Variants in PALM2AKAP2 observed in about 807,000 individuals in gnomAD.
PALM2AKAP2 encodes PALM2-AKAP2 fusion protein.
A neutral mutation model predicts 71.5 loss-of-function variants in PALM2AKAP2; 37 were observed. The observed-to-expected ratio is 0.52, with a 90% confidence interval of 0.40 to 0.68. The LOEUF (loss-of-function observed/expected upper bound fraction) is 0.68. PALM2AKAP2 is among the 30% of genes least tolerant of loss of function. PALM2AKAP2 has a pLI of 0.00. For synonymous variants in PALM2AKAP2, 468 were observed against 478.8 expected, an observed-to-expected ratio of 0.98 and a Z score of 0.29; for missense variants, 1,224 against 1,191.8, an observed-to-expected ratio of 1.03 and a Z score of -0.40.
At chr9:109,741,271 C>T (rs1828712290) in intron 1 of PALM2AKAP2, among the ~76,000 whole-genome samples, 1 of 152,196 alleles carries the variant, frequency 6.6e-6, no homozygotes, top group African/African-American at 2.4e-5. Flanking sequence ...TTTAGAGATT[C>T]ACCTGTGTTG....
intron 1 of PALM2AKAP2, among the ~76,000 whole-genome samples, chr9:109,849,474 G>C (rs146021519): frequency 6.6e-6 from 1 of 152,184 alleles, no homozygotes; most frequent in African/African-American, 2.4e-5. Context: ...AGGGCTGGGC[G>C]CGGTAGCTCA....
intron 1 of PALM2AKAP2, among the ~76,000 whole-genome samples, chr9:110,125,101 A>T (rs1835567658): frequency 6.6e-6 from 1 of 152,190 alleles, no homozygotes; most frequent in Non-Finnish European, 1.5e-5. Context: ...ACACACGCAC[A>T]AGCACACACC....
At chr9:110,111,295 G>A (rs74383419) in intron 1 of PALM2AKAP2, among the ~76,000 whole-genome samples, 1,561 of 151,902 alleles carry the variant, frequency 0.01, 26 homozygotes, top group African/African-American at 0.036. Flanking sequence ...GTCTCATTAC[G>A]TTGCCTAGGC....
At chr9:109,956,099 G>A (rs1820869812) in intron 6 of PALM2AKAP2, among the ~76,000 whole-genome samples, 1 of 151,274 alleles carries the variant, frequency 6.6e-6, no homozygotes, top group Non-Finnish European at 1.5e-5. Context: ...CCGCCTCCCA[G>A]GTTCAAGCGA....
chr9:110,062,472 TA>T (rs547361799), intron 1 of PALM2AKAP2, among the ~76,000 whole-genome samples: 18 of 152,332 alleles, frequency 1.2e-4, no homozygotes, highest in African/African-American at 3.1e-4. Flanking sequence ...ATGTACCACA[TA>T]AAAAATAGCA....
chr9:109,744,078 A>G (rs569218132), intron 1 of PALM2AKAP2, among the ~76,000 whole-genome samples: 1 of 152,248 alleles, frequency 6.6e-6, no homozygotes, highest in Non-Finnish European at 1.5e-5. Flanking sequence ...ACAACTCAAG[A>G]GCAGAATTAA....
chr9:109,913,366 A>G (rs1395695463), intron 3 of PALM2AKAP2, among the ~76,000 whole-genome samples: 3 of 152,224 alleles, frequency 2.0e-5, no homozygotes, highest in East Asian at 3.8e-4. Context: ...AGCCAGACGG[A>G]CACAAATAGC....
At chr9:109,853,036 G>C (rs1252273697) in intron 1 of PALM2AKAP2, among the ~76,000 whole-genome samples, 1 of 151,984 alleles carries the variant, frequency 6.6e-6, no homozygotes, top group Non-Finnish European at 1.5e-5. Context: ...GTTTAATTAG[G>C]TCCCAGTTGC....
At chr9:110,137,208 C>T (rs367791261) in exon 2 of PALM2AKAP2, 27 of 1,614,052 alleles carry the variant, frequency 1.7e-5, no homozygotes, top group African/African-American at 9.3e-5. Context: ...ATAGATTTCT[C>T]TGCTGCTCGC....
At chr9:110,100,098 A>G (rs556335769) in intron 1 of PALM2AKAP2, among the ~76,000 whole-genome samples, 199 of 129,642 alleles carry the variant, frequency 1.5e-3, no homozygotes, top group Non-Finnish European at 3.0e-3. Context: ...TAAATATTTT[A>G]TCAAGTTGAG....
chr9:109,800,915 A>G (rs200490868), intron 1 of PALM2AKAP2, among the ~76,000 whole-genome samples: 4 of 152,366 alleles, frequency 2.6e-5, no homozygotes, highest in East Asian at 3.9e-4. Flanking sequence ...GCCTTGATAC[A>G]GGCAACTGGC....
chr9:109,943,232 A>G (rs1468623156), intron 6 of PALM2AKAP2: 1 of 1,614,240 alleles, frequency 6.2e-7, no homozygotes, highest in South Asian at 1.1e-5. Context: ...GAAGATGATG[A>G]GAAGTCATTG....
Position 110,135,164 on chromosome 9 carries a change from A to AAAAAAAAATATATAT in PALM2AKAP2, c.157-962_157-961insAAAAAAATATATATA. 1.7e-3 allele frequency among the ~76,000 whole-genome samples: 88 copies of AAAAAAAAATATATAT among 51,688 alleles called. 7 individuals carry two copies. The highest frequency in any genetic ancestry group is 4.3e-3 in the African/African-American group (59 of 13,606). The allele number at this position is 51,688 out of a possible 152,430, so 33.9% of individuals were successfully genotyped here. Reference sequence around the variant, plus strand: ...AACTCTGTCTCTACAAAAAAAAAAAAATATATAAATATATATATATATATA... The same window carrying AAAAAAAAATATATAT: ...AACTCTGTCTCTACAAAAAAAAAAAAAAAAAAAATATATATATATATAAATATATATATATATATA... On this transcript the variant is annotated intron_variant, in intron 1 of 3. Coordinates refer to ENST00000374525, the Ensembl canonical transcript of PALM2AKAP2.
intron 6 of PALM2AKAP2, among the ~76,000 whole-genome samples, chr9:109,964,706 G>C (rs1281166853): frequency 6.6e-6 from 1 of 152,162 alleles, no homozygotes. Context: ...TGAGCTCAAG[G>C]CTTTGGACTT....
chr9:110,166,190 A>G (rs1836729071), intron 3 of PALM2AKAP2, among the ~76,000 whole-genome samples: 1 of 152,206 alleles, frequency 6.6e-6, no homozygotes, highest in Non-Finnish European at 1.5e-5. Flanking sequence ...TACTTTACAT[A>G]CATTGCCTCA....
chr9:110,139,035 C>T (rs1427364224), intron 2 of PALM2AKAP2, among the ~76,000 whole-genome samples: 3 of 152,166 alleles, frequency 2.0e-5, no homozygotes. Flanking sequence ...GCATTGCAGA[C>T]TGGTCCATGC....
intron 1 of PALM2AKAP2, among the ~76,000 whole-genome samples, chr9:109,813,941 A>G (rs1211873349): frequency 6.6e-6 from 1 of 152,212 alleles, no homozygotes; most frequent in Non-Finnish European, 1.5e-5. Context: ...GCTGGTTCCC[A>G]GCATCCTTCT....
intron 3 of PALM2AKAP2, among the ~76,000 whole-genome samples, chr9:109,898,150 G>A (rs1056934723): frequency 2.6e-5 from 4 of 152,062 alleles, no homozygotes; most frequent in African/African-American, 4.8e-5. Context: ...TGTTGTTGTC[G>A]TTTAAGAAAA....
intron 3 of PALM2AKAP2, among the ~76,000 whole-genome samples, chr9:109,906,600 T>C (rs1161920743): frequency 2.0e-5 from 3 of 152,254 alleles, no homozygotes. Flanking sequence ...ATCATTATAC[T>C]ATAAAAATCA....
Sources: allele counts gnomAD v4.1 joint callset (sites outside exome capture counted in the v4.1 genomes callset), GRCh38; gene constraint gnomAD v4.1.1; transcripts MANE v1.5; gene names NCBI Gene and HGNC (gene_info 2026-07-23, HGNC 2026-07-21).